Variants in RHBDL2 observed in about 807,000 individuals in gnomAD.
RHBDL2 encodes rhomboid like 2, also known as rhomboid-related protein 2.
RHBDL2 carries 26 observed loss-of-function variants against 31.7 expected under a neutral mutation model. The observed-to-expected ratio is 0.82, with a 90% CI of 0.60 to 1.14. RHBDL2 has a LOEUF of 1.14. RHBDL2 is among the 50% of genes most tolerant of loss of function. The pLI, the probability that RHBDL2 is intolerant of heterozygous loss-of-function variation, is 0.00. For synonymous variants in RHBDL2, 123 were observed against 127.2 expected (o/e 0.97, Z 0.22); for missense variants, 336 against 364.4 (o/e 0.92, Z 0.63).
Position 38,940,251 on chromosome 1 carries a change from C to T in RHBDL2, c.-126+1431G>A, listed in dbSNP as rs563854528. Among the ~76,000 whole-genome samples the T allele has an allele frequency of 3.9e-5, 6 of 152,298 alleles. 1 individual carries two copies. The South Asian group carries it at 1.2e-3, about 32-fold the overall frequency. On this transcript the variant is annotated intron_variant, in intron 1 of 7. Transcript: ENST00000372990. ...GAATTGGTGGTTCCCATCACTTGCTCAGTGTTGAGTGTGCAAATTCAGAAA... is the reference window on the plus strand; with the variant it reads ...GAATTGGTGGTTCCCATCACTTGCTTAGTGTTGAGTGTGCAAATTCAGAAA...
At chr1:38,891,261 A>AG (rs1642850937) in intron 6 of RHBDL2, among the ~76,000 whole-genome samples, 1 of 35,588 alleles carries the variant, frequency 2.8e-5, no homozygotes, top group Non-Finnish European at 1.1e-4. Context: ...ACTCCGTCTC[A>AG]AAAAAAAAAA....
chr1:38,916,731 C>T lies in RHBDL2; in HGVS notation c.247-1021G>A, dbSNP rs1019985229. Among the ~76,000 whole-genome samples, 207 of 150,940 alleles carry T rather than the reference C, an allele frequency of 1.4e-3. 3 individuals are homozygous for T. Among genetic ancestry groups the T allele is most frequent in the African/African-American group, 4.6e-3 (188 of 41,048 alleles). Reference sequence around the variant, plus strand: ...CAAACAAAAAAAAAAACTAGCCAGGCGTGGTGGTGCACACCTGTAATCCCA... The same window carrying T: ...CAAACAAAAAAAAAAACTAGCCAGGTGTGGTGGTGCACACCTGTAATCCCA... On this transcript the variant is annotated intron_variant, in intron 2 of 7. Coordinates refer to ENST00000372990, the MANE Select transcript of RHBDL2 (RefSeq NM_017821.5).
intron 3 of RHBDL2, among the ~76,000 whole-genome samples, chr1:38,912,908 A>ATGTGTGTG (rs1275947345): frequency 2.8e-4 from 10 of 35,322 alleles, no homozygotes; most frequent in South Asian, 6.3e-4. Flanking sequence ...ATATATATAT[A>ATGTGTGTG]TATGTGTGTG....
chr1:38,919,040 G>A lies in RHBDL2; in HGVS notation c.173C>T (p.Ser58Phe). ...IVSKWMLPEK[S>F]RGTYLERANC... ...AGCTCTCTCCAAGTATGTTCCTCGG[G>A]ACTTTTCGGGCAGCATCCATTTTGA... Residue 58 changes from serine (S) to phenylalanine (F), a missense_variant, in exon 2 of 8, where the codon TCC becomes TTC. Physicochemically the swap from Ser to Phe is radical, Grantham distance 155. Coordinates refer to ENST00000372990, the MANE Select transcript of RHBDL2 (RefSeq NM_017821.5). 1.2e-6 allele frequency: 2 copies of A among 1,614,096 alleles called. No individual in the cohort carries two copies. Among genetic ancestry groups the A allele is most frequent in the Non-Finnish European group, 1.7e-6 (2 of 1,180,022 alleles).
chr1:38,897,302 A>G (rs1044795470), intron 4 of RHBDL2, among the ~76,000 whole-genome samples: 4 of 152,034 alleles, frequency 2.6e-5, no homozygotes, highest in Non-Finnish European at 4.4e-5. Flanking sequence ...GGGTTTCACC[A>G]TGTTAGCCAG....
At chr1:38,898,944 T>C (rs1642954851) in intron 4 of RHBDL2, among the ~76,000 whole-genome samples, 1 of 152,150 alleles carries the variant, frequency 6.6e-6, no homozygotes, top group Non-Finnish European at 1.5e-5. Context: ...TTATGACAGG[T>C]GAGTTACATC....
At chr1:38,940,168 G>A (rs989359699) in intron 1 of RHBDL2, among the ~76,000 whole-genome samples, 6 of 152,088 alleles carry the variant, frequency 3.9e-5, no homozygotes, top group African/African-American at 1.4e-4. Flanking sequence ...ATCATAAGAG[G>A]ATTATGATTA....
At chr1:38,926,627 G>C (rs1337830112) in intron 1 of RHBDL2, 1 of 152,116 alleles carries the variant, frequency 6.6e-6, no homozygotes, top group Non-Finnish European at 1.5e-5. Context: ...ACCTGAGGTC[G>C]GGCATTCGAG....
intron 7 of RHBDL2, among the ~76,000 whole-genome samples, chr1:38,887,704 T>C (rs890018653): frequency 3.2e-4 from 49 of 151,434 alleles, no homozygotes; most frequent in African/African-American, 1.2e-3. Flanking sequence ...ATTACAGGCA[T>C]GAGCCACCAC....
At chr1:38,895,382 G>C (rs1456751439) in intron 5 of RHBDL2, among the ~76,000 whole-genome samples, 2 of 151,944 alleles carry the variant, frequency 1.3e-5, no homozygotes, top group Non-Finnish European at 2.9e-5. Context: ...ATATAAAACT[G>C]TTAACAACGT....
rs1642783587 is a variant in RHBDL2 at position 38,886,306 on chromosome 1, A to G, written c.*198T>C. 2 of 368,084 alleles carry G rather than the reference A, an allele frequency of 5.4e-6. No individual in the cohort carries two copies. Among genetic ancestry groups the G allele is most frequent in the Non-Finnish European group, 9.6e-6 (2 of 207,968 alleles). 22.8% of individuals were successfully genotyped at this position (368,084 alleles called of 1,614,324 possible). ...TTTTCTCTCTTCTTCTTCCCTTTCT[A>G]CATTAAGAAGCCCCTTCCTTAAATC... is the stretch of plus-strand genomic sequence containing the variant. On this transcript the variant is annotated 3_prime_UTR_variant, in exon 8 of 8. Coordinates refer to ENST00000372990, the MANE Select transcript of RHBDL2 (RefSeq NM_017821.5).
At chr1:38,894,806 A>G (rs1642896086) in intron 5 of RHBDL2, among the ~76,000 whole-genome samples, 1 of 141,526 alleles carries the variant, frequency 7.1e-6, no homozygotes, top group South Asian at 2.2e-4. Context: ...TTCCAGGTTC[A>G]AGCCATTCTT....
chr1:38,887,655 C>A lies in RHBDL2; in HGVS notation c.732+308G>T, dbSNP rs554535617. Among the ~76,000 whole-genome samples, 9 of 151,676 alleles carry A rather than the reference C, an allele frequency of 5.9e-5. No individual in the cohort carries two copies. The East Asian group carries it at 1.4e-3, about 23-fold the overall frequency. ...GGCCAGGCTGGTCTCAAACTCCTGA[C>A]CCTGTGATCCGCCGATCTTGGCTTC... On this transcript the variant is annotated intron_variant, in intron 7 of 7. Coordinates refer to ENST00000372990, the MANE Select transcript of RHBDL2 (RefSeq NM_017821.5).
chr1:38,916,571 G>A (rs1037069410), intron 2 of RHBDL2, among the ~76,000 whole-genome samples: 4 of 152,128 alleles, frequency 2.6e-5, no homozygotes, highest in African/African-American at 4.8e-5. Context: ...GGGGCCAGAC[G>A]CAGTGGCTCA....
At chr1:38,902,192 T>A (rs1487831432) in intron 4 of RHBDL2, among the ~76,000 whole-genome samples, 1 of 127,342 alleles carries the variant, frequency 7.9e-6, no homozygotes, top group Non-Finnish European at 1.7e-5. Context: ...TTTCTTCTTT[T>A]TTCTTTTTCT....
At chr1:38,903,440 G>A (rs1328824869) in intron 4 of RHBDL2, among the ~76,000 whole-genome samples, 2 of 151,858 alleles carry the variant, frequency 1.3e-5, no homozygotes, top group Non-Finnish European at 2.9e-5. Flanking sequence ...ACCCCCGGCC[G>A]AGAAATAGAA....
At chr1:38,905,921 G>C (rs576950381) in intron 4 of RHBDL2, among the ~76,000 whole-genome samples, 43 of 151,786 alleles carry the variant, frequency 2.8e-4, no homozygotes, top group Non-Finnish European at 5.1e-4. Flanking sequence ...CAAAAAATTA[G>C]CTGGGCATGG....
Position 38,926,330 on chromosome 1 carries a change from G to A in RHBDL2, c.-125-6993C>T, listed in dbSNP as rs141762389. The A allele has an allele frequency of 3.8e-4, 156 of 406,632 alleles. 1 individual carries two copies. The highest frequency in any genetic ancestry group is 3.0e-3 in the African/African-American group (142 of 46,648). 25.2% of individuals were successfully genotyped at this position (406,632 alleles called of 1,614,324 possible). A position where few individuals can be genotyped will look rare whatever the true frequency, so the allele number is the denominator to read the frequency against. ...TGTGACAAAGGCAGCAGCACTGGGC[G>A]TTCAGCAGCAGCAGCACTGAGGCTG... On this transcript the variant is annotated intron_variant, in intron 1 of 7. Coordinates refer to ENST00000372990, the MANE Select transcript of RHBDL2 (RefSeq NM_017821.5).
intron 4 of RHBDL2, among the ~76,000 whole-genome samples, chr1:38,903,655 G>A (rs907029539): frequency 2.6e-5 from 4 of 152,116 alleles, no homozygotes; most frequent in African/African-American, 9.7e-5. Flanking sequence ...TTTTCCCCAA[G>A]TTGATCTATA....
Sources: gnomAD v4.1 joint callset for allele counts (sites outside exome capture counted in the v4.1 genomes callset) on GRCh38, gnomAD v4.1.1 for gene constraint, MANE v1.5 for transcripts, NCBI Gene and HGNC (gene_info 2026-07-23, HGNC 2026-07-21) for gene names.